Variants in CILP observed in about 807,000 individuals in gnomAD.
CILP encodes cartilage intermediate layer protein.
CILP carries 75 observed loss-of-function variants against 82.5 expected under a neutral mutation model. The ratio of observed to expected loss-of-function variants is 0.91; its 90% CI spans 0.75 to 1.10. The LOEUF (loss-of-function observed/expected upper bound fraction) is 1.10, where lower values mean the gene tolerates loss of function less well. Among genes scored for constraint, CILP ranks in the 50% least tolerant of loss-of-function variants. The probability of loss-of-function intolerance (pLI) is 0.00; values close to 1 mark genes in which losing one functional copy is unlikely to be tolerated. For synonymous variants in CILP, 530 were observed against 580.3 expected (o/e 0.91, Z 1.25); for missense variants, 1,479 against 1,530.8 (o/e 0.97, Z 0.56).
chr15:65,196,658 G>A lies in CILP; in HGVS notation c.*73C>T. ...ACAGAAGTGCTTAAATTAACCAAGT[G>A]ACAGTTTGTGCATCAGTCTCACAAT... is the stretch of plus-strand genomic sequence containing the variant. On this transcript the variant is annotated 3_prime_UTR_variant, in exon 9 of 9. Coordinates refer to ENST00000261883, the MANE Select transcript of CILP (RefSeq NM_003613.4). The A allele has an allele frequency of 7.7e-7, 1 of 1,296,208 alleles. No individual in the cohort carries two copies. The allele number at this position is 1,296,208 out of a possible 1,614,324, so 80.3% of individuals were successfully genotyped here.
intron 5 of CILP, 119 bp downstream of exon 5, chr15:65,205,168 A>G (rs369498499): frequency 6.4e-6 from 6 of 937,688 alleles, no homozygotes. Context: ...TGCTCAGTTA[A>G]TACGTGGTGA....
chr15:65,204,518 G>A lies in CILP; in HGVS notation c.669C>T (p.Asp223=), dbSNP rs764443227. ...NADCDACMCQ[D]FMLHGAVSLP... is the part of the protein sequence containing the mutation. ...GGGAGACAGCCCCATGAAGCATGAAGTCCTGGCACATGCAGGCATCACAGT... is the reference window on the plus strand; with the variant it reads ...GGGAGACAGCCCCATGAAGCATGAAATCCTGGCACATGCAGGCATCACAGT... Residue 223 remains aspartate (D), a synonymous_variant, in exon 6 of 9, where the codon GAC becomes GAT. Coordinates refer to ENST00000261883, the MANE Select transcript of CILP (RefSeq NM_003613.4). 5 of 1,613,562 alleles carry A rather than the reference G, an allele frequency of 3.1e-6. No homozygotes were observed. The African/African-American group carries it at 5.3e-5, about 17-fold the overall frequency.
intron 5 of CILP, 152 bp downstream of exon 5, chr15:65,205,135 C>G: frequency 1.4e-6 from 1 of 720,718 alleles, no homozygotes; most frequent in South Asian, 2.0e-5. Flanking sequence ...TCCTGTATAT[C>G]TCTCATTAGG....
At chr15:65,204,245 C>T (rs771939857) in intron 6 of CILP, 23 bp downstream of exon 6, 3 of 1,606,308 alleles carry the variant, frequency 1.9e-6, no homozygotes, top group Non-Finnish European at 1.7e-6. Flanking sequence ...TCTCACCAGC[C>T]CTACCCCAAA....
chr15:65,201,074 T>C (rs1455593801), intron 8 of CILP, among the ~76,000 whole-genome samples: 2 of 152,164 alleles, frequency 1.3e-5, no homozygotes, highest in Non-Finnish European at 2.9e-5. Context: ...TGAACTCGGC[T>C]CACTGCAACC....
rs766092650 is a variant in CILP, at chr15:65,198,707, T to C, written c.1579A>G (p.Thr527Ala). Residue 527 changes from threonine (T) to alanine (A), a missense_variant, in exon 9 of 9, where the codon ACC becomes GCC. Transcript: ENST00000261883. ...TCAGTGTCCTGGGGGACATGGAGGG[T>C]GAAAGTGCCCTTGTAGCCAGTCATG... ...VSMTGYKGTF[T>A]LHVPQDTERL... 1 of 1,613,988 alleles carries C rather than the reference T, an allele frequency of 6.2e-7. No homozygotes were observed. The highest frequency in any genetic ancestry group is 8.5e-7 in the Non-Finnish European group (1 of 1,179,990).
rs1329950690 is a variant in CILP at position 65,195,468 on chromosome 15, C to T, written c.*1263G>A. On this transcript the variant is annotated 3_prime_UTR_variant, in exon 9 of 9. Transcript: ENST00000261883. ...TGGGCCTCTGATTTACTATTTTAAA[C>T]CAAATACCTTTTCCAAAACCAAAAC... is the stretch of plus-strand genomic sequence containing the variant. 6.6e-6 allele frequency: 1 copy of T among 152,230 alleles called. No individual in the cohort carries two copies. Among genetic ancestry groups the T allele is most frequent in the Non-Finnish European group, 1.5e-5 (1 of 68,068 alleles). 9.4% of individuals were successfully genotyped at this position (152,230 alleles called of 1,614,324 possible). A position where few individuals can be genotyped will look rare whatever the true frequency, so the allele number is the denominator to read the frequency against.
intron 3 of CILP, among the ~76,000 whole-genome samples, chr15:65,207,460 G>T (rs2088530811): frequency 6.6e-6 from 1 of 152,210 alleles, no homozygotes; most frequent in Non-Finnish European, 1.5e-5. Flanking sequence ...GCCCCAGCAA[G>T]CTCCACAGCA....
In CILP at chr15:65,197,158, T is replaced by C; in HGVS notation, c.3128A>G (p.His1043Arg). The C allele has an allele frequency of 6.2e-7, 1 of 1,614,088 alleles. No individual in the cohort carries two copies. The highest frequency in any genetic ancestry group is 8.5e-7 in the Non-Finnish European group (1 of 1,179,996). ...TGGCAAGTGGTTGACCAGGTACTCA[T>C]GCAGCATGGGGTTCACACTGGCTCG... ...CRRASVNPML[H>R]EYLVNHLPLA... Residue 1043 changes from histidine to arginine, a missense_variant, in exon 9 of 9, where the codon CAT becomes CGT. Transcript: ENST00000261883.
At chr15:65,199,305 C>T (rs1174412902) in intron 8 of CILP, among the ~76,000 whole-genome samples, 2 of 152,224 alleles carry the variant, frequency 1.3e-5, no homozygotes, top group Non-Finnish European at 1.5e-5. Context: ...TTGATGGGAC[C>T]ACTACAGTGG....
rs1230144987 is a variant in CILP, at chr15:65,204,565, G to A, written c.622C>T (p.Pro208Ser). The change falls in exon 6 of 9, where the codon CCA becomes TCA. Residue 208 changes from proline (P) to serine (S), a missense_variant. Pro to Ser is a moderately conservative substitution (Grantham distance 74). Transcript: ENST00000261883. ...QDCTACDLTC[P>S]MGQVNADCDA... ...CAGTCAGCATTCACCTGGCCCATTG[G>A]GCAGGTCAGGTCACAGGCTGTGGAA... 1 of 1,607,588 alleles carries A rather than the reference G, an allele frequency of 6.2e-7. No individual in the cohort carries two copies.
In CILP at chr15:65,209,760, C is replaced by A. The variant is rs1418638101; in HGVS notation, c.-5G>T. 4.3e-6 allele frequency: 7 copies of A among 1,613,950 alleles called. No homozygotes were observed. The highest frequency in any genetic ancestry group is 1.7e-5 in the Admixed American group (1 of 60,024). ...CCAGGCCTTGGTCCCCACCATCTTT[C>A]CCCCAAGCCCGTGGGAACGTGGCAA... is the stretch of plus-strand genomic sequence containing the variant. On this transcript the variant is annotated 5_prime_UTR_variant, in exon 2 of 9. Transcript: ENST00000261883.
rs1249640796 is a variant in CILP at position 65,197,925 on chromosome 15, C to A, written c.2361G>T (p.Leu787Phe). The A allele has an allele frequency of 6.2e-7, 1 of 1,614,026 alleles. No individual in the cohort carries two copies. Among genetic ancestry groups the A allele is most frequent in the Non-Finnish European group, 8.5e-7 (1 of 1,180,036 alleles). Residue 787 changes from leucine (L) to phenylalanine (F), a missense_variant, in exon 9 of 9, where the codon TTG becomes TTT. Physicochemically the swap from Leu to Phe is conservative, Grantham distance 22 (BLOSUM62 0). Transcript: ENST00000261883. ...VINLEPRTGF[L>F]SNPRAWGRFD... ...AGCGGCCCCAGGCCCTAGGGTTGGA[C>A]AAGAAGCCAGTTCTAGGCTCCAGGT...
chr15:65,198,789 A>G lies in CILP; in HGVS notation c.1497T>C (p.Ala499=), dbSNP rs758806757. ...RSIVRGRVSA[A]DNGEPMRFGH... Reference sequence around the variant, plus strand: ...CAAAGCGCATGGGCTCCCCATTGTCAGCAGCACTGACACGGCCCCGCACGA... The same window carrying G: ...CAAAGCGCATGGGCTCCCCATTGTCGGCAGCACTGACACGGCCCCGCACGA... Residue 499 remains alanine (A), a synonymous_variant, in exon 9 of 9, where the codon GCT becomes GCC. Coordinates refer to ENST00000261883, the MANE Select transcript of CILP (RefSeq NM_003613.4). 1 of 1,614,172 alleles carries G rather than the reference A, an allele frequency of 6.2e-7. No homozygotes were observed. The highest frequency in any genetic ancestry group is 8.5e-7 in the Non-Finnish European group (1 of 1,180,022).
Position 65,207,746 on chromosome 15 carries a change from G to A in CILP, c.80C>T (p.Thr27Ile), listed in dbSNP as rs1374786172. ...AGGCTGGACTCTTCTTACTGACTGG[G>A]TGAGCATCGTCTGTCTCCCTGAGGG... ...TSVLGRQTML[T>I]QSVRRVQPGK... Residue 27 changes from threonine to isoleucine, a missense_variant, in exon 3 of 9, where the codon ACC (threonine) becomes ATC (isoleucine). Coordinates refer to ENST00000261883, the MANE Select transcript of CILP (RefSeq NM_003613.4). The A allele has an allele frequency of 6.2e-7, 1 of 1,614,136 alleles. No individual in the cohort carries two copies. Among genetic ancestry groups the A allele is most frequent in the Non-Finnish European group, 8.5e-7 (1 of 1,180,010 alleles).
chr15:65,197,889 G>C lies in CILP; in HGVS notation c.2397C>G (p.Val799=). 6.2e-7 allele frequency: 1 copy of C among 1,613,878 alleles called. No homozygotes were observed. Among genetic ancestry groups the C allele is most frequent in the Non-Finnish European group, 8.5e-7 (1 of 1,179,962 alleles). The change falls in exon 9 of 9, where the codon GTC becomes GTG. Residue 799 remains valine (V), a synonymous_variant. Transcript: ENST00000261883. The stretch of plus-strand genomic sequence containing the variant: ...CACAGGCCCCGTTGGGGCCTGTGAT[G>C]ACACTGTCAAAGCGGCCCCAGGCCC... The part of the protein sequence containing the change: ...NPRAWGRFDS[V]ITGPNGACVP...
chr15:65,203,584 C>A, intron 6 of CILP, 114 bp from the exon 7 acceptor site: 1 of 703,048 alleles, frequency 1.4e-6, no homozygotes, highest in South Asian at 1.8e-5. Flanking sequence ...AAGGCTTCAC[C>A]CCTACCCCCA....
At chr15:65,204,975 C>A (rs1039812690) in intron 5 of CILP, among the ~76,000 whole-genome samples, 2 of 152,184 alleles carry the variant, frequency 1.3e-5, no homozygotes, top group South Asian at 2.1e-4. Context: ...GCCAAGATTG[C>A]GCCATTGCAC....
rs774428788 is a variant in CILP at position 65,209,771 on chromosome 15, G to A, written c.-16C>T. 29 of 1,613,608 alleles carry A rather than the reference G, an allele frequency of 1.8e-5. No homozygotes were observed. The African/African-American group carries it at 2.3e-4, about 13-fold the overall frequency. On this transcript the variant is annotated 5_prime_UTR_variant, in exon 2 of 9. It adds an upstream start codon to the 5' untranslated region. Transcript: ENST00000261883. ...TCCCCACCATCTTTCCCCCAAGCCC[G>A]TGGGAACGTGGCAAGAGGTAGATGT... is the stretch of plus-strand genomic sequence containing the variant.
Sources: allele counts gnomAD v4.1 joint callset (sites outside exome capture counted in the v4.1 genomes callset), GRCh38; gene constraint gnomAD v4.1.1; transcripts MANE v1.5; gene names NCBI Gene and HGNC (gene_info 2026-07-23, HGNC 2026-07-21).